Variants in MUC13 observed in about 807,000 individuals in gnomAD.
MUC13 encodes mucin-13.
MUC13 carries 32 observed loss-of-function variants against 48.3 expected under a neutral mutation model. The ratio of observed to expected loss-of-function variants is 0.66; its 90% confidence interval spans 0.50 to 0.89. The LOEUF (loss-of-function observed/expected upper bound fraction) is 0.89. Ranked by LOEUF, MUC13 falls within the 40% of genes least tolerant of loss-of-function variation. MUC13 has a pLI of 0.00. For synonymous variants in MUC13, 199 were observed against 224.9 expected (o/e 0.88, Z 1.03); for missense variants, 571 against 622.8 (o/e 0.92, Z 0.88).
In MUC13 at chr3:124,927,876, G is replaced by C. The variant is rs2107673462; in HGVS notation, c.170C>G (p.Thr57Arg). 2 of 1,614,016 alleles carry C rather than the reference G, an allele frequency of 1.2e-6. No homozygotes were observed. Among genetic ancestry groups the C allele is most frequent in the Middle Eastern group, 1.6e-4 (1 of 6,062 alleles). The change falls in exon 2 of 12, where the codon ACA (threonine) becomes AGA (arginine). Residue 57 changes from threonine (T) to arginine (R), a missense_variant. Transcript: ENST00000616727. Reference protein sequence around the residue: ...ETNFPETASTTANTPSFPTAT... With the variant: ...ETNFPETASTRANTPSFPTAT... ...TGTTGGGAAAGAAGGTGTATTTGCT[G>C]TGGTGCTAGCAGTTTCAGGGAAATT...
chr3:124,918,664 C>A (rs938781997), intron 5 of MUC13, among the ~76,000 whole-genome samples: 2 of 152,244 alleles, frequency 1.3e-5, no homozygotes, highest in African/African-American at 4.8e-5. Flanking sequence ...TGCCTGGTCA[C>A]TCAGGGACAA....
intron 1 of MUC13, among the ~76,000 whole-genome samples, chr3:124,931,289 G>C (rs2107674571): frequency 6.6e-6 from 1 of 151,944 alleles, no homozygotes; most frequent in South Asian, 2.1e-4. Flanking sequence ...AAATTATCTG[G>C]GCATGGTGGC....
rs552648700 is a variant in MUC13, at chr3:124,932,667, C to T, written c.52+1994G>A. Among the ~76,000 whole-genome samples, 9 of 152,254 alleles carry T rather than the reference C, an allele frequency of 5.9e-5. No homozygotes were observed. In the South Asian group the frequency reaches 1.7e-3, roughly 28 times the overall value. On this transcript the variant is annotated intron_variant, in intron 1 of 11. Transcript: ENST00000616727. ...AGCCCCTATGTGCCAGGCAGTATCCCGGCACATCAGGCTCTTTGTCTCATT... is the reference window on the plus strand; with the variant it reads ...AGCCCCTATGTGCCAGGCAGTATCCTGGCACATCAGGCTCTTTGTCTCATT...
intron 1 of MUC13, among the ~76,000 whole-genome samples, chr3:124,934,233 T>C (rs570266075): frequency 4.8e-4 from 73 of 152,300 alleles, no homozygotes; most frequent in African/African-American, 1.7e-3. Flanking sequence ...CTCAGCTCAC[T>C]GCAACCTCCA....
chr3:124,919,861 C>T (rs1198188116), intron 5 of MUC13, among the ~76,000 whole-genome samples: 3 of 152,124 alleles, frequency 2.0e-5, no homozygotes, highest in African/African-American at 7.2e-5. Context: ...GAGATGATCA[C>T]GGGCCATTCA....
At position 124,913,470 on chromosome 3, in the gene MUC13, G is replaced by T. The variant is rs933454141; in HGVS notation, c.1084+92C>A. ...AGTCAGATCACTCGGACTCTGAAAT[G>T]CATGTGGAAACTAAAGGAGTGAATT... On this transcript the variant is annotated intron_variant, in intron 7 of 11. Transcript: ENST00000616727. The T allele has an allele frequency of 1.2e-5, 19 of 1,582,950 alleles. No homozygotes were observed. The African/African-American group carries it at 2.3e-4, about 19-fold the overall frequency.
chr3:124,908,211 G>A lies in MUC13; in HGVS notation c.1475C>T (p.Ser492Phe). 1 of 1,614,154 alleles carries A rather than the reference G, an allele frequency of 6.2e-7. No homozygotes were observed. The highest frequency in any genetic ancestry group is 1.1e-5 in the South Asian group (1 of 91,076). The part of the protein sequence containing the change: ...SVFPKVRITA[S>F]RDSQMQNPYS... ...GGGATTTTGCATCTGGCTGTCTCTG[G>A]AGGCCGTTATCCTGACCTTAGGAAA... is the stretch of plus-strand genomic sequence containing the variant. The change falls in exon 11 of 12, where the codon TCC (serine) becomes TTC (phenylalanine). Residue 492 changes from serine to phenylalanine, a missense_variant. Coordinates refer to ENST00000616727, the MANE Select transcript of MUC13 (RefSeq NM_033049.4).
Position 124,908,168 on chromosome 3 carries a change from G to A in MUC13, c.1518C>T (p.Ser506=). The A allele has an allele frequency of 6.2e-7, 1 of 1,614,186 alleles. No homozygotes were observed. The highest frequency in any genetic ancestry group is 8.5e-7 in the Non-Finnish European group (1 of 1,180,034). Residue 506 remains serine, a synonymous_variant, in exon 11 of 12, where the codon AGC becomes AGT. Transcript: ENST00000616727. ...TCACCTAATAGTCAGGGCGGGGCATGCTGCTGTGTCTTGAATAGGGATTTT... is the reference window on the plus strand; with the variant it reads ...TCACCTAATAGTCAGGGCGGGGCATACTGCTGTGTCTTGAATAGGGATTTT... ...QMQNPYSRHS[S]MPRPDY
At chr3:124,919,645 T>C (rs929661141) in intron 5 of MUC13, among the ~76,000 whole-genome samples, 3 of 152,210 alleles carry the variant, frequency 2.0e-5, no homozygotes, top group Non-Finnish European at 4.4e-5. Context: ...ATTAATGTGC[T>C]CCAGAGGAGG....
intron 6 of MUC13, among the ~76,000 whole-genome samples, chr3:124,915,955 G>C (rs1935505504): frequency 6.6e-6 from 1 of 152,170 alleles, no homozygotes; most frequent in African/African-American, 2.4e-5. Context: ...TGGGATTACA[G>C]GCATGAGCCA....
intron 5 of MUC13, 31 bp from the exon 6 acceptor site, chr3:124,916,511 A>C: frequency 6.3e-7 from 1 of 1,580,050 alleles, no homozygotes; most frequent in Non-Finnish European, 8.6e-7. Context: ...TCACTTAATG[A>C]ATTGAACTGA....
chr3:124,929,313 T>C (rs1935752644), intron 1 of MUC13, among the ~76,000 whole-genome samples: 1 of 152,124 alleles, frequency 6.6e-6, no homozygotes, highest in Non-Finnish European at 1.5e-5. Context: ...AGTGTTAGGA[T>C]AACAGGTGTA....
At chr3:124,915,188 A>C (rs1004454067) in intron 6 of MUC13, among the ~76,000 whole-genome samples, 4 of 152,234 alleles carry the variant, frequency 2.6e-5, no homozygotes, top group Non-Finnish European at 5.9e-5. Context: ...GACTGGCCCC[A>C]GTGGGTCACC....
chr3:124,924,139 G>A (rs1935650218), intron 2 of MUC13, among the ~76,000 whole-genome samples: 1 of 152,190 alleles, frequency 6.6e-6, no homozygotes, highest in Admixed American at 6.5e-5. Flanking sequence ...ATACCTAGGA[G>A]ACATAGCCAT....
chr3:124,927,343 G>A (rs541016752), intron 2 of MUC13, among the ~76,000 whole-genome samples, 189 bp downstream of exon 2: 1 of 152,234 alleles, frequency 6.6e-6, no homozygotes, highest in East Asian at 1.9e-4. Flanking sequence ...GAGAACAGAA[G>A]GAAACTGAGG....
intron 5 of MUC13, among the ~76,000 whole-genome samples, chr3:124,916,869 G>A (rs1274627085): frequency 6.6e-6 from 1 of 152,148 alleles, no homozygotes; most frequent in Admixed American, 6.5e-5. Flanking sequence ...TTAAATCTCA[G>A]TCTGGTTCTT....
intron 5 of MUC13, among the ~76,000 whole-genome samples, chr3:124,917,530 T>G (rs1935530093): frequency 6.6e-6 from 1 of 151,938 alleles, no homozygotes; most frequent in Admixed American, 6.6e-5. Flanking sequence ...ATTTTGACTC[T>G]CGAATAAATG....
chr3:124,921,214 A>T (rs1237981654), intron 4 of MUC13, among the ~76,000 whole-genome samples: 1 of 151,306 alleles, frequency 6.6e-6, no homozygotes, highest in Non-Finnish European at 1.5e-5. Context: ...CAGTGGCATG[A>T]TCTTGGGTCA....
chr3:124,913,241 C>T lies in MUC13; in HGVS notation c.1085-1G>A. On this transcript the variant is annotated splice_acceptor_variant, in intron 7 of 11. Coordinates refer to ENST00000616727, the MANE Select transcript of MUC13 (RefSeq NM_033049.4). LOFTEE classifies it high-confidence loss of function. ...GCATCAGGACACTTGAGACTGGAAG[C>T]TTCAAAACAGAATGATTTCTGGGTA... 1 of 1,605,902 alleles carries T rather than the reference C, an allele frequency of 6.2e-7. No homozygotes were observed. Among genetic ancestry groups the T allele is most frequent in the Non-Finnish European group, 8.5e-7 (1 of 1,176,120 alleles).
Sources: gnomAD v4.1 joint callset for allele counts (sites outside exome capture counted in the v4.1 genomes callset) on GRCh38, gnomAD v4.1.1 for gene constraint, MANE v1.5 for transcripts, NCBI Gene and HGNC (gene_info 2026-07-23, HGNC 2026-07-21) for gene names.